EPHA4: variants seen among roughly 807,000 people sequenced by gnomAD.
The protein encoded by EPHA4 is ephrin type-A receptor 4.
Under a neutral mutation model 108.3 loss-of-function variants are expected in EPHA4, and 19 were observed. The observed-to-expected ratio is 0.18, with a 90% CI of 0.12 to 0.26. The LOEUF (loss-of-function observed/expected upper bound fraction) is 0.26. Among genes scored for constraint, EPHA4 ranks in the 10% least tolerant of loss-of-function variants. EPHA4 has a pLI of 1.00. For missense variants in EPHA4, 917 were observed against 1,254.0 expected (o/e 0.73, Z 4.06); for synonymous variants, 449 against 455.5 (o/e 0.99, Z 0.18).
At chr2:221,430,683 C>A (rs1690045381) in intron 14 of EPHA4, among the ~76,000 whole-genome samples, 1 of 152,168 alleles carries the variant, frequency 6.6e-6, no homozygotes, top group African/African-American at 2.4e-5. Context: ...GACGCCCAGC[C>A]ATTTTTTCTT....
chr2:221,510,676 C>A (rs1465440441), intron 3 of EPHA4, among the ~76,000 whole-genome samples: 1 of 152,264 alleles, frequency 6.6e-6, no homozygotes, highest in Non-Finnish European at 1.5e-5. Flanking sequence ...TTACATAAAG[C>A]CTGCTAAATC....
At chr2:221,428,744 C>A (rs1689986768) in intron 15 of EPHA4, among the ~76,000 whole-genome samples, 1 of 152,132 alleles carries the variant, frequency 6.6e-6, no homozygotes, top group Non-Finnish European at 1.5e-5. Context: ...CACATAGTGA[C>A]CAAGTGGCAG....
intron 3 of EPHA4, among the ~76,000 whole-genome samples, chr2:221,506,076 A>G (rs529084173): frequency 4.6e-5 from 7 of 152,190 alleles, no homozygotes; most frequent in African/African-American, 1.4e-4. Flanking sequence ...GTCTCCATAC[A>G]ATATTTGGCA....
chr2:221,540,979 C>T (rs1000433590), intron 3 of EPHA4, among the ~76,000 whole-genome samples: 2 of 132,536 alleles, frequency 1.5e-5, no homozygotes, highest in African/African-American at 5.7e-5. Flanking sequence ...GAGAGTCTTA[C>T]TCTGTCTTCC....
chr2:221,499,743 TATATATA>T lies in EPHA4; in HGVS notation c.979+1267_979+1273del, dbSNP rs1339329429. Among the ~76,000 whole-genome samples, 29 of 60,662 alleles carry T rather than the reference TATATATA, an allele frequency of 4.8e-4. 1 individual carries two copies. The highest frequency in any genetic ancestry group is 1.2e-3 in the South Asian group (2 of 1,696). 39.8% of individuals were successfully genotyped at this position (60,662 alleles called of 152,430 possible). A position where few individuals can be genotyped will look rare whatever the true frequency, so the allele number is the denominator to read the frequency against. On this transcript the variant is annotated intron_variant, in intron 4 of 17. Transcript: ENST00000281821. ...ATATATATATATATATATATATATA[TATATATA>T]TATATATTTTTTTTTTTTTTTTTTG...
intron 1 of EPHA4, among the ~76,000 whole-genome samples, chr2:221,570,701 A>T (rs1694806438): frequency 6.6e-6 from 1 of 151,492 alleles, no homozygotes; most frequent in South Asian, 2.1e-4. Flanking sequence ...AAAACGATAG[A>T]TTACACAGGG....
At chr2:221,487,343 C>T (rs1198356507) in intron 4 of EPHA4, among the ~76,000 whole-genome samples, 1 of 152,258 alleles carries the variant, frequency 6.6e-6, no homozygotes, top group East Asian at 1.9e-4. Flanking sequence ...CCTGCCTTGT[C>T]CTGTTTTTAC....
chr2:221,422,221 C>A (rs372950411), intron 17 of EPHA4, among the ~76,000 whole-genome samples: 2 of 152,140 alleles, frequency 1.3e-5, no homozygotes, highest in African/African-American at 4.8e-5. Context: ...CTCTGGAAAT[C>A]GGTCAAATCC....
At chr2:221,430,199 G>A (rs764450126) in intron 14 of EPHA4, 48 bp from the exon 15 acceptor site, 4 of 1,538,340 alleles carry the variant, frequency 2.6e-6, no homozygotes, top group African/African-American at 1.4e-5. Flanking sequence ...GCAAGCTGCT[G>A]TTCAAGGTTC....
In EPHA4 at chr2:221,425,957, G is replaced by A. The variant is rs1689888649; in HGVS notation, c.*71C>T. The A allele has an allele frequency of 8.2e-7, 1 of 1,219,518 alleles. No individual in the cohort carries two copies. Among genetic ancestry groups the A allele is most frequent in the Non-Finnish European group, 1.2e-6 (1 of 831,696 alleles). The allele number at this position is 1,219,518 out of a possible 1,614,324, so 75.5% of individuals were successfully genotyped here. ...AGGGCGAAGACGAAGTAAAAAAAGT[G>A]CAGTTCTTCAATTAAAGTGCATGGA... On this transcript the variant is annotated 3_prime_UTR_variant, in exon 17 of 18. Transcript: ENST00000281821.
chr2:221,439,069 G>T (rs1192866653), intron 11 of EPHA4, among the ~76,000 whole-genome samples: 3 of 152,034 alleles, frequency 2.0e-5, no homozygotes, highest in Non-Finnish European at 4.4e-5. Context: ...TGAGTTTTTG[G>T]TGTTGTGTCT....
chr2:221,525,771 C>T (rs1693304243), intron 3 of EPHA4, among the ~76,000 whole-genome samples: 2 of 152,122 alleles, frequency 1.3e-5, no homozygotes, highest in African/African-American at 4.8e-5. Context: ...CAGGGAAGAA[C>T]TGAGATTCTC....
intron 3 of EPHA4, among the ~76,000 whole-genome samples, chr2:221,561,048 C>T (rs1694447091): frequency 6.6e-6 from 1 of 152,140 alleles, no homozygotes; most frequent in Admixed American, 6.5e-5. Context: ...GGAGACCATC[C>T]TGGCTAACAC....
chr2:221,454,149 C>T (rs1221770456), intron 8 of EPHA4, among the ~76,000 whole-genome samples: 2 of 151,980 alleles, frequency 1.3e-5, no homozygotes, highest in African/African-American at 2.4e-5. Context: ...CACTGTACTT[C>T]CAGCCTGGGC....
chr2:221,441,054 T>C (rs906336163), intron 11 of EPHA4, among the ~76,000 whole-genome samples: 5 of 152,176 alleles, frequency 3.3e-5, no homozygotes, highest in Non-Finnish European at 7.3e-5. Flanking sequence ...AAGATTCTTA[T>C]GTTTGAGGAC....
chr2:221,437,056 C>T lies in EPHA4; in HGVS notation c.2136+5G>A. Reference sequence around the variant, plus strand: ...TCTTGGGTTTAATATAAAGTAGTCACATACCCTGAGGAATGCATCCAAGGA... The same window carrying T: ...TCTTGGGTTTAATATAAAGTAGTCATATACCCTGAGGAATGCATCCAAGGA... On this transcript the variant is annotated splice_donor_5th_base_variant and intron_variant, in intron 12 of 17. Transcript: ENST00000281821. 1 of 1,603,552 alleles carries T rather than the reference C, an allele frequency of 6.2e-7. No homozygotes were observed.
At chr2:221,442,071 C>T (rs1251338308) in intron 11 of EPHA4, among the ~76,000 whole-genome samples, 1 of 152,198 alleles carries the variant, frequency 6.6e-6, no homozygotes, top group African/African-American at 2.4e-5. Context: ...TTCCAGGGGA[C>T]ACAGCCCCAG....
chr2:221,541,760 C>T (rs1263795438), intron 3 of EPHA4, among the ~76,000 whole-genome samples: 1 of 152,188 alleles, frequency 6.6e-6, no homozygotes, highest in East Asian at 1.9e-4. Flanking sequence ...ACCACCCAAA[C>T]AGAGTAATAC....
chr2:221,520,721 G>T (rs1693139788), intron 3 of EPHA4, among the ~76,000 whole-genome samples: 1 of 152,118 alleles, frequency 6.6e-6, no homozygotes, highest in African/African-American at 2.4e-5. Context: ...TCCTATTTTT[G>T]AAAATTCATG....
Sources: allele counts gnomAD v4.1 joint callset (sites outside exome capture counted in the v4.1 genomes callset), GRCh38; gene constraint gnomAD v4.1.1; transcripts MANE v1.5; gene names NCBI Gene and HGNC (gene_info 2026-07-23, HGNC 2026-07-21).